The following MAGI2 variants were observed in gnomAD, a reference collection of about 807,000 sequenced individuals.
The protein encoded by MAGI2 is membrane-associated guanylate kinase, WW and PDZ domain-containing protein 2.
Under a neutral mutation model 133.3 loss-of-function variants are expected in MAGI2, and 35 were observed. The observed-to-expected ratio is 0.26, with a 90% confidence interval of 0.20 to 0.35. MAGI2 has a LOEUF of 0.35. MAGI2 is among the 10% of genes least tolerant of loss of function. The probability of loss-of-function intolerance (pLI) is 1.00; values close to 1 mark genes in which losing one functional copy is unlikely to be tolerated. For missense variants in MAGI2, 1,636 were observed against 1,863.4 expected (o/e 0.88, Z 2.25); for synonymous variants, 729 against 710.6 (o/e 1.03, Z -0.41).
At chr7:79,135,548 C>T (rs1247675496) in intron 1 of MAGI2, among the ~76,000 whole-genome samples, 1 of 152,084 alleles carries the variant, frequency 6.6e-6, no homozygotes. Context: ...ATGGTGAATT[C>T]GGCCCCAGAA....
intron 1 of MAGI2, among the ~76,000 whole-genome samples, chr7:79,268,144 GAGA>G (rs1249827162): frequency 2.6e-5 from 4 of 152,134 alleles, no homozygotes; most frequent in African/African-American, 9.7e-5. Flanking sequence ...GTAGAAGCAG[GAGA>G]AGGTTAAAGT....
At chr7:78,966,825 G>A (rs1448449824) in intron 2 of MAGI2, among the ~76,000 whole-genome samples, 2 of 135,600 alleles carry the variant, frequency 1.5e-5, no homozygotes, top group African/African-American at 5.6e-5. Flanking sequence ...CCAGATCTTT[G>A]CCTACACGTC....
At chr7:78,377,518 G>A (rs975866320) in intron 6 of MAGI2, among the ~76,000 whole-genome samples, 1 of 151,808 alleles carries the variant, frequency 6.6e-6, no homozygotes, top group Non-Finnish European at 1.5e-5. Flanking sequence ...CTGAAGAAGA[G>A]GGGGATGATG....
At chr7:79,378,045 A>G (rs1843499120) in intron 1 of MAGI2, among the ~76,000 whole-genome samples, 1 of 151,872 alleles carries the variant, frequency 6.6e-6, no homozygotes, top group African/African-American at 2.4e-5. Flanking sequence ...CAGATGGAGA[A>G]GACAGATGCT....
At chr7:79,151,802 T>TA (rs1157386224) in intron 1 of MAGI2, among the ~76,000 whole-genome samples, 1 of 152,130 alleles carries the variant, frequency 6.6e-6, no homozygotes, top group Non-Finnish European at 1.5e-5. Flanking sequence ...TGTGGATTTA[T>TA]AAAAATGAAA....
chr7:79,184,216 T>C (rs1025292216), intron 1 of MAGI2, among the ~76,000 whole-genome samples: 3 of 151,830 alleles, frequency 2.0e-5, no homozygotes, highest in Non-Finnish European at 2.9e-5. Context: ...TATTCTATAA[T>C]GTACACATAT....
At chr7:78,391,381 A>AC (rs1393422978) in intron 6 of MAGI2, among the ~76,000 whole-genome samples, 1 of 103,762 alleles carries the variant, frequency 9.6e-6, no homozygotes, top group African/African-American at 3.2e-5. Flanking sequence ...GAAACTTTAA[A>AC]AATTCTCTGG....
At chr7:78,870,763 C>T (rs116930943) in intron 2 of MAGI2, among the ~76,000 whole-genome samples, 3,866 of 152,186 alleles carry the variant, frequency 0.025, 74 homozygotes, top group Middle Eastern at 0.041. Flanking sequence ...GTTTTAGCAG[C>T]ACAATTCACA....
chr7:78,456,974 T>C (rs1057393650), intron 6 of MAGI2: 2 of 152,198 alleles, frequency 1.3e-5, no homozygotes, highest in Non-Finnish European at 2.9e-5. Context: ...AGACATACAT[T>C]TAGCAACAAT....
chr7:78,019,958 C>G lies in MAGI2; in HGVS notation c.3725G>C (p.Ser1242Thr). ...ACCTGGGGCGGCGGCAGCGGGAGAA[C>G]TCCAGGGGGCGGGTTCGTCTGTGGA... The part of the protein sequence containing the change: ...VPEYDEPAPW[S>T]SPAAAAPGLP... Residue 1242 changes from serine (S) to threonine (T), a missense_variant, in exon 22 of 22, where the codon AGT (serine) becomes ACT (threonine). Transcript: ENST00000354212. The G allele has an allele frequency of 6.2e-7, 1 of 1,606,970 alleles. No individual in the cohort carries two copies. Among genetic ancestry groups the G allele is most frequent in the Non-Finnish European group, 8.5e-7 (1 of 1,177,512 alleles).
chr7:79,292,468 T>A lies in MAGI2; in HGVS notation c.301+160552A>T, dbSNP rs180875140. Reference sequence around the variant, plus strand: ...AAAACCCTGTCTCTACCAAAAAAAATAAAAAAATAAAAAATTAGCCAGGTC... The same window carrying A: ...AAAACCCTGTCTCTACCAAAAAAAAAAAAAAAATAAAAAATTAGCCAGGTC... On this transcript the variant is annotated intron_variant, in intron 1 of 21. Transcript: ENST00000354212. Among the ~76,000 whole-genome samples, 1,445 of 150,236 alleles carry A rather than the reference T, an allele frequency of 9.6e-3. 32 individuals are homozygous for A. The highest frequency in any genetic ancestry group is 0.032 in the African/African-American group (1,302 of 40,858).
intron 3 of MAGI2, chr7:78,617,955 GA>G (rs1190811715): frequency 6.6e-6 from 1 of 151,934 alleles, no homozygotes; most frequent in African/African-American, 2.4e-5. Context: ...TAGGAATATA[GA>G]AGATATAAGG....
At chr7:78,208,606 T>C (rs1228017285) in intron 10 of MAGI2, among the ~76,000 whole-genome samples, 1 of 151,882 alleles carries the variant, frequency 6.6e-6, no homozygotes, top group African/African-American at 2.4e-5. Flanking sequence ...TGTAAAAAAT[T>C]GGCAAAGAAA....
chr7:78,799,890 A>G (rs1018081515), intron 2 of MAGI2, among the ~76,000 whole-genome samples: 1 of 152,166 alleles, frequency 6.6e-6, no homozygotes. Context: ...TTTGTGGAAT[A>G]TGTGCTACAA....
chr7:78,678,018 A>G (rs780363473), intron 2 of MAGI2, among the ~76,000 whole-genome samples: 7 of 152,134 alleles, frequency 4.6e-5, no homozygotes, highest in Non-Finnish European at 1.0e-4. Context: ...GGAAAAATTC[A>G]TATTCAAGTT....
At chr7:78,039,791 G>T (rs1216984077) in intron 21 of MAGI2, among the ~76,000 whole-genome samples, 2 of 152,236 alleles carry the variant, frequency 1.3e-5, no homozygotes, top group Non-Finnish European at 2.9e-5. Flanking sequence ...ACAAAGGGTA[G>T]AGTGATTATG....
intron 2 of MAGI2, among the ~76,000 whole-genome samples, chr7:78,957,091 C>G (rs111676333): frequency 6.6e-6 from 1 of 151,748 alleles, no homozygotes; most frequent in Non-Finnish European, 1.5e-5. Context: ...GGGTGAAACC[C>G]TGTCTCTACT....
At chr7:78,136,407 A>T (rs1822141300) in intron 16 of MAGI2, among the ~76,000 whole-genome samples, 1 of 152,196 alleles carries the variant, frequency 6.6e-6, no homozygotes, top group South Asian at 2.1e-4. Context: ...GGCTTGAGCC[A>T]CCATGCTCGG....
intron 2 of MAGI2, among the ~76,000 whole-genome samples, chr7:78,699,318 C>T (rs768034387): frequency 6.6e-5 from 10 of 152,178 alleles, no homozygotes; most frequent in Non-Finnish European, 1.2e-4. Flanking sequence ...CCAAGCTGGT[C>T]TCGAACTCTT....
Sources: allele counts gnomAD v4.1 joint callset (sites outside exome capture counted in the v4.1 genomes callset), GRCh38; gene constraint gnomAD v4.1.1; transcripts MANE v1.5; gene names NCBI Gene and HGNC (gene_info 2026-07-23, HGNC 2026-07-21).